EYS: variants seen among roughly 807,000 people sequenced by gnomAD.
The protein encoded by EYS is EGF-like photoreceptor maintenance factor.
EYS carries 250 observed loss-of-function variants against 282.1 expected under a neutral mutation model. That is an observed-to-expected ratio of 0.89 (90% CI 0.80 to 0.98). The LOEUF (loss-of-function observed/expected upper bound fraction) is 0.98. Among genes scored for constraint, EYS ranks in the 50% least tolerant of loss-of-function variants. EYS has a pLI of 0.00. For synonymous variants in EYS, 1,355 were observed against 1,282.9 expected, an observed-to-expected ratio of 1.06 and a Z score of -1.20; for missense variants, 4,016 against 3,709.0, an observed-to-expected ratio of 1.08 and a Z score of -2.15.
At chr6:63,753,259 G>A (rs1769390594) in intron 41 of EYS, among the ~76,000 whole-genome samples, 1 of 150,744 alleles carries the variant, frequency 6.6e-6, no homozygotes, top group African/African-American at 2.4e-5. Context: ...AAATTGTATA[G>A]GAAGATTTAT....
intron 22 of EYS, among the ~76,000 whole-genome samples, chr6:64,772,176 A>C (rs889710140): frequency 6.6e-6 from 1 of 151,562 alleles, no homozygotes; most frequent in Admixed American, 6.6e-5. Flanking sequence ...AGTCTAACTA[A>C]TCTGTTTTTA....
At chr6:64,802,705 C>A (rs6455007) in intron 22 of EYS, among the ~76,000 whole-genome samples, 3,258 of 152,240 alleles carry the variant, frequency 0.021, 122 homozygotes, top group African/African-American at 0.074. Context: ...TAATTAATAA[C>A]AAACTATCTC....
chr6:64,720,302 C>T (rs989033943), intron 22 of EYS, among the ~76,000 whole-genome samples: 6 of 152,138 alleles, frequency 3.9e-5, no homozygotes, highest in Non-Finnish European at 7.4e-5. Flanking sequence ...TTCCTGCATC[C>T]TTCTTATGAG....
chr6:64,612,043 A>G (rs1315357088), intron 24 of EYS, among the ~76,000 whole-genome samples: 1 of 152,114 alleles, frequency 6.6e-6, no homozygotes, highest in African/African-American at 2.4e-5. Flanking sequence ...AAGACCAGAA[A>G]CATAGACATA....
Position 63,984,421 on chromosome 6 carries a change from A to G in EYS, c.7017T>C (p.Cys2339=). 2 of 1,549,618 alleles carry G rather than the reference A, an allele frequency of 1.3e-6. No individual in the cohort carries two copies. Among genetic ancestry groups the G allele is most frequent in the Non-Finnish European group, 1.7e-6 (2 of 1,145,532 alleles). ...KNIENCHVPW[C]AHHLCRNNGT... ...CATTGTTGCGGCACAGATGATGAGC[A>G]CACCAAGGGACGTGGCAGTTCTCAA... The change falls in exon 35 of 43, where the codon TGT becomes TGC. Residue 2339 remains cysteine, a synonymous_variant. Transcript: ENST00000503581.
intron 22 of EYS, among the ~76,000 whole-genome samples, chr6:64,661,564 T>C (rs1248844882): frequency 6.6e-6 from 1 of 151,806 alleles, no homozygotes; most frequent in African/African-American, 2.4e-5. Context: ...CCATCAAAAA[T>C]TGGGCGAAGG....
Position 63,788,274 on chromosome 6 carries a change from T to TA in EYS, c.7579-26dup, listed in dbSNP as rs35778886. ...CCTTCGAAAGGGAAAAAAAACCTAT[T>TA]AAAAAAGGAATTAATTCCCCAGGGT... On this transcript the variant is annotated intron_variant, in intron 38 of 42. Transcript: ENST00000503581. 5.3e-6 allele frequency: 8 copies of TA among 1,495,338 alleles called. No homozygotes were observed. In the African/African-American group the frequency reaches 1.0e-4, roughly 19 times the overall value. 92.6% of individuals were successfully genotyped at this position (1,495,338 alleles called of 1,614,324 possible). A position where few individuals can be genotyped will look rare whatever the true frequency, so the allele number is the denominator to read the frequency against.
At chr6:65,369,286 T>TTA (rs1277837063) in intron 8 of EYS, among the ~76,000 whole-genome samples, 3 of 134,418 alleles carry the variant, frequency 2.2e-5, no homozygotes, top group South Asian at 2.3e-4. Flanking sequence ...TTTATATATA[T>TTA]TATATATATA....
rs185118008 is a variant in EYS at position 63,744,796 on chromosome 6, G to C, written c.8071+17665C>G. The C allele has an allele frequency of 2.6e-4, 54 of 208,640 alleles. No individual in the cohort carries two copies. The East Asian group carries it at 9.0e-3, about 35-fold the overall frequency. The allele number at this position is 208,640 out of a possible 1,614,324, so 12.9% of individuals were successfully genotyped here. A position where few individuals can be genotyped will look rare whatever the true frequency, so the allele number is the denominator to read the frequency against. ...TTGGCCAAGCTGGTCTCGAACTCCT[G>C]ACCTCAGGTGATTTGCCCGCCTTGG... On this transcript the variant is annotated intron_variant, in intron 41 of 42. Coordinates refer to ENST00000503581, the MANE Select transcript of EYS (RefSeq NM_001142800.2).
intron 13 of EYS, among the ~76,000 whole-genome samples, chr6:65,055,236 A>G (rs1247252619): frequency 1.3e-5 from 2 of 151,978 alleles, no homozygotes; most frequent in African/African-American, 4.8e-5. Context: ...TTTTGCCTCA[A>G]CCTCTCAATG....
intron 12 of EYS, among the ~76,000 whole-genome samples, chr6:65,268,892 T>C (rs539670140): frequency 1.3e-5 from 2 of 152,088 alleles, no homozygotes; most frequent in African/African-American, 2.4e-5. Context: ...GCTTTAATGA[T>C]TGTAAAACTT....
At chr6:64,413,882 C>T (rs912132832) in intron 28 of EYS, among the ~76,000 whole-genome samples, 7 of 152,078 alleles carry the variant, frequency 4.6e-5, no homozygotes, top group African/African-American at 1.7e-4. Context: ...GTCATGGAGG[C>T]AGATTCCTCA....
At chr6:65,412,114 C>T (rs1326243844) in intron 5 of EYS, among the ~76,000 whole-genome samples, 1 of 152,040 alleles carries the variant, frequency 6.6e-6, no homozygotes, top group Admixed American at 6.6e-5. Context: ...CAGCTCTTTA[C>T]CATGTGAGGA....
At chr6:65,160,330 A>T (rs980403155) in intron 12 of EYS, among the ~76,000 whole-genome samples, 3 of 151,040 alleles carry the variant, frequency 2.0e-5, no homozygotes, top group Admixed American at 1.3e-4. Flanking sequence ...CCTCTCTAAA[A>T]TAGTGACTGT....
chr6:64,046,616 C>T (rs1770635172), intron 33 of EYS, among the ~76,000 whole-genome samples: 1 of 151,606 alleles, frequency 6.6e-6, no homozygotes, highest in Non-Finnish European at 1.5e-5. Context: ...GAAACAGTGT[C>T]CTGGTAGGGG....
chr6:65,375,590 C>T (rs973948585), intron 8 of EYS, among the ~76,000 whole-genome samples: 1 of 151,944 alleles, frequency 6.6e-6, no homozygotes, highest in Admixed American at 6.6e-5. Context: ...ACAAACTCCT[C>T]TGAGCTAAAG....
intron 12 of EYS, among the ~76,000 whole-genome samples, chr6:65,110,887 C>T (rs921465319): frequency 1.3e-4 from 19 of 151,688 alleles, no homozygotes; most frequent in African/African-American, 3.9e-4. Context: ...GTAATAACTC[C>T]GGTTATAGCA....
Position 65,413,628 on chromosome 6 carries a change from G to C in EYS, c.863-8261C>G, listed in dbSNP as rs1236044738. Among the ~76,000 whole-genome samples the C allele has an allele frequency of 2.0e-5, 3 of 152,058 alleles. No homozygotes were observed. In the East Asian group the frequency reaches 5.8e-4, roughly 29 times the overall value. ...TAATCCCAGCACTTTGGGAGGCTGA[G>C]GCGCACCGATCATGAGGTCAGGAGT... is the stretch of plus-strand genomic sequence containing the variant. On this transcript the variant is annotated intron_variant, in intron 5 of 42. Coordinates refer to ENST00000503581, the MANE Select transcript of EYS (RefSeq NM_001142800.2).
At chr6:64,351,810 G>C (rs1444041595) in intron 29 of EYS, among the ~76,000 whole-genome samples, 2 of 151,352 alleles carry the variant, frequency 1.3e-5, no homozygotes, top group African/African-American at 4.8e-5. Context: ...ATTAAAATGG[G>C]CATATATATG....
Sources: allele counts gnomAD v4.1 joint callset (sites outside exome capture counted in the v4.1 genomes callset), GRCh38; gene constraint gnomAD v4.1.1; transcripts MANE v1.5; gene names NCBI Gene and HGNC (gene_info 2026-07-23, HGNC 2026-07-21).